Variants in PPP4R3A observed in about 807,000 individuals in gnomAD.
PPP4R3A encodes serine/threonine-protein phosphatase 4 regulatory subunit 3A.
PPP4R3A carries 15 observed loss-of-function variants against 91.7 expected under a neutral mutation model. That is an observed-to-expected ratio of 0.16 (90% CI 0.11 to 0.25). PPP4R3A has a LOEUF of 0.25. Ranked by LOEUF, PPP4R3A falls within the 10% of genes least tolerant of loss-of-function variation. The pLI is 1.00. For synonymous variants in PPP4R3A, 377 were observed against 348.7 expected, an observed-to-expected ratio of 1.08 and a Z score of -0.91; for missense variants, 623 against 998.4, an observed-to-expected ratio of 0.62 and a Z score of 5.07.
intron 4 of PPP4R3A, among the ~76,000 whole-genome samples, chr14:91,479,344 CA>C (rs1333230445): frequency 7.0e-6 from 1 of 142,024 alleles, no homozygotes; most frequent in Non-Finnish European, 1.5e-5. Flanking sequence ...GTGCAAATAA[CA>C]ATTCTTTCTT....
chr14:91,467,918 C>A (rs1219340884), intron 10 of PPP4R3A, among the ~76,000 whole-genome samples: 15 of 152,250 alleles, frequency 9.9e-5, no homozygotes, highest in Non-Finnish European at 1.9e-4. Flanking sequence ...AAATACTATA[C>A]CTAATACTTC....
intron 9 of PPP4R3A, 30 bp downstream of exon 9, chr14:91,473,003 G>A (rs1372705853): frequency 1.3e-6 from 2 of 1,596,606 alleles, no homozygotes; most frequent in Non-Finnish European, 1.7e-6. Context: ...CAAGAACAGA[G>A]AACTTAACTA....
At chr14:91,476,305 A>G in intron 6 of PPP4R3A, 103 bp downstream of exon 6, 2 of 919,168 alleles carry the variant, frequency 2.2e-6, no homozygotes, top group Non-Finnish European at 3.4e-6. Context: ...CTACGCAGCT[A>G]ATTTCAAATA....
chr14:91,460,616 T>C (rs571082003), intron 14 of PPP4R3A, among the ~76,000 whole-genome samples: 36 of 151,652 alleles, frequency 2.4e-4, no homozygotes, highest in African/African-American at 7.5e-4. Flanking sequence ...GTTTTCTACA[T>C]TTTTTCTTAA....
At chr14:91,497,323 CAA>C (rs1221184725) in intron 1 of PPP4R3A, among the ~76,000 whole-genome samples, 1 of 144,608 alleles carries the variant, frequency 6.9e-6, no homozygotes, top group Non-Finnish European at 1.5e-5. Flanking sequence ...CCTTATCTCC[CAA>C]GAGGAATCTT....
chr14:91,459,255 G>A (rs557263649), intron 14 of PPP4R3A, among the ~76,000 whole-genome samples: 2 of 152,020 alleles, frequency 1.3e-5, no homozygotes, highest in East Asian at 3.9e-4. Context: ...ACAGGCGCCC[G>A]CCACCACGCC....
In PPP4R3A at chr14:91,458,816, C is replaced by CTCA. The variant is rs746009868; in HGVS notation, c.2442_2444dup (p.Asp814dup). On this transcript the variant is annotated inframe_insertion, in exon 15 of 15. Transcript: ENST00000554943. ...GTAACGTATCTTCCTTATCTTCATC[C>CTCA]TCATCATCATCTTCATCATCATCAG... 2 of 1,613,298 alleles carry CTCA rather than the reference C, an allele frequency of 1.2e-6. No individual in the cohort carries two copies. The highest frequency in any genetic ancestry group is 8.5e-7 in the Non-Finnish European group (1 of 1,179,672).
intron 2 of PPP4R3A, among the ~76,000 whole-genome samples, chr14:91,489,826 T>C (rs981861963): frequency 3.3e-5 from 5 of 152,244 alleles, no homozygotes; most frequent in African/African-American, 1.2e-4. Flanking sequence ...ACTGTATGAA[T>C]GTTTGGTGGA....
At chr14:91,459,641 GTTAA>G (rs1482114297) in intron 14 of PPP4R3A, among the ~76,000 whole-genome samples, 1 of 151,814 alleles carries the variant, frequency 6.6e-6, no homozygotes, top group Non-Finnish European at 1.5e-5. Flanking sequence ...AGCCTGGCCT[GTTAA>G]TTAACATAGT....
chr14:91,506,227 A>C (rs1227876886), intron 1 of PPP4R3A, among the ~76,000 whole-genome samples: 1 of 152,216 alleles, frequency 6.6e-6, no homozygotes, highest in South Asian at 2.1e-4. Flanking sequence ...GATTACAGGC[A>C]TGAGCCATTG....
intron 1 of PPP4R3A, among the ~76,000 whole-genome samples, chr14:91,498,039 A>G (rs1890691801): frequency 6.6e-6 from 1 of 152,204 alleles, no homozygotes; most frequent in Non-Finnish European, 1.5e-5. Context: ...CAGATGTTGC[A>G]ATTTGTAAAA....
chr14:91,495,051 A>T (rs1890455301), intron 1 of PPP4R3A, among the ~76,000 whole-genome samples: 1 of 152,172 alleles, frequency 6.6e-6, no homozygotes, highest in South Asian at 2.1e-4. Flanking sequence ...TCAAAAGTTA[A>T]GCAGTTACCT....
At chr14:91,504,921 T>C (rs7143394) in intron 1 of PPP4R3A, among the ~76,000 whole-genome samples, 74,678 of 151,966 alleles carry the variant, frequency 0.49, 18,677 homozygotes, top group Admixed American at 0.53. Flanking sequence ...GAGATAGCAT[T>C]ATTATAGCTT....
rs569166485 is a variant in PPP4R3A, at chr14:91,475,969, G to T, written c.1111-3C>A. 2.0e-6 allele frequency: 3 copies of T among 1,503,888 alleles called. No individual in the cohort carries two copies. In the South Asian group the frequency reaches 3.9e-5, roughly 20 times the overall value. 93.2% of individuals were successfully genotyped at this position (1,503,888 alleles called of 1,614,324 possible). The stretch of plus-strand genomic sequence containing the variant: ...CGCACCTGTGTATCATCCATGCCCT[G>T]CAGACAAAAAACATTTATTTTTCCT... On this transcript the variant is annotated splice_region_variant and splice_polypyrimidine_tract_variant and intron_variant, in intron 6 of 14. Coordinates refer to ENST00000554943, the MANE Select transcript of PPP4R3A (RefSeq NM_001366432.2).
intron 6 of PPP4R3A, among the ~76,000 whole-genome samples, chr14:91,476,176 A>G (rs1889194473): frequency 6.6e-6 from 1 of 152,232 alleles, no homozygotes; most frequent in South Asian, 2.1e-4. Flanking sequence ...ATTTCAGCTA[A>G]TAAGCTGCAA....
At chr14:91,458,916 A>G (rs1887943919) in intron 14 of PPP4R3A, 47 bp from the exon 15 acceptor site, 2 of 1,529,556 alleles carry the variant, frequency 1.3e-6, no homozygotes, top group South Asian at 1.2e-5. Flanking sequence ...TAAAACATAT[A>G]AAAACACTGG....
At chr14:91,507,554 TA>T (rs1891472417) in intron 1 of PPP4R3A, among the ~76,000 whole-genome samples, 1 of 85,276 alleles carries the variant, frequency 1.2e-5, no homozygotes, top group African/African-American at 4.8e-5. Flanking sequence ...TATATATAGT[TA>T]TATATACTAT....
At chr14:91,473,958 G>A (rs770831608) in intron 7 of PPP4R3A, among the ~76,000 whole-genome samples, 7 of 151,976 alleles carry the variant, frequency 4.6e-5, no homozygotes, top group East Asian at 3.9e-4. Context: ...TAGTAGAGAC[G>A]GGGTTTCTCC....
intron 1 of PPP4R3A, among the ~76,000 whole-genome samples, chr14:91,491,358 C>T (rs980855036): frequency 4.0e-5 from 6 of 150,712 alleles, no homozygotes; most frequent in East Asian, 4.0e-4. Flanking sequence ...CCACTGTGCC[C>T]GACCATATTT....
Sources: gnomAD v4.1 joint callset for allele counts (sites outside exome capture counted in the v4.1 genomes callset) on GRCh38, gnomAD v4.1.1 for gene constraint, MANE v1.5 for transcripts, NCBI Gene and HGNC (gene_info 2026-07-23, HGNC 2026-07-21) for gene names.